The following MPPED2 variants were observed in gnomAD, a reference collection of about 807,000 sequenced individuals.
MPPED2 encodes the protein metallophosphoesterase domain containing 2.
A neutral mutation model predicts 33.0 loss-of-function variants in MPPED2; 5 were observed. The observed-to-expected ratio is 0.15, with a 90% CI of 0.08 to 0.32. MPPED2 has a LOEUF of 0.32. Among genes scored for constraint, MPPED2 ranks in the 10% least tolerant of loss-of-function variants. The pLI, the probability that MPPED2 is intolerant of heterozygous loss-of-function variation, is 1.00. For missense variants in MPPED2, 275 were observed against 372.1 expected, an observed-to-expected ratio of 0.74 and a Z score of 2.15; for synonymous variants, 136 against 141.9, an observed-to-expected ratio of 0.96 and a Z score of 0.29.
intron 4 of MPPED2, among the ~76,000 whole-genome samples, chr11:30,494,542 A>G (rs1219774706): frequency 6.6e-6 from 1 of 152,102 alleles, no homozygotes; most frequent in African/African-American, 2.4e-5. Flanking sequence ...GTTCAAGACC[A>G]GCCTGGCCAA....
chr11:30,548,951 A>G (rs1955572807), intron 2 of MPPED2, among the ~76,000 whole-genome samples: 1 of 152,254 alleles, frequency 6.6e-6, no homozygotes, highest in Non-Finnish European at 1.5e-5. Context: ...ACCAATTTAC[A>G]TAAAAATCTA....
At chr11:30,483,635 T>C (rs1052969859) in intron 4 of MPPED2, among the ~76,000 whole-genome samples, 1 of 152,220 alleles carries the variant, frequency 6.6e-6, no homozygotes, top group African/African-American at 2.4e-5. Context: ...TTTCTACTGA[T>C]GACTGACTCA....
chr11:30,489,962 C>T (rs1372712233), intron 4 of MPPED2, among the ~76,000 whole-genome samples: 1 of 151,816 alleles, frequency 6.6e-6, no homozygotes, highest in East Asian at 1.9e-4. Context: ...AAAGAAGAGC[C>T]TAGTCCCACG....
At chr11:30,537,541 C>T (rs935048716) in intron 2 of MPPED2, among the ~76,000 whole-genome samples, 1 of 152,106 alleles carries the variant, frequency 6.6e-6, no homozygotes, top group Non-Finnish European at 1.5e-5. Flanking sequence ...ATGACAATTT[C>T]AGTGAGGGAA....
chr11:30,488,547 G>A (rs1389260385), intron 4 of MPPED2, among the ~76,000 whole-genome samples: 1 of 152,216 alleles, frequency 6.6e-6, no homozygotes, highest in Non-Finnish European at 1.5e-5. Context: ...GCATAAACTG[G>A]CTTTGGAAAT....
intron 4 of MPPED2, among the ~76,000 whole-genome samples, chr11:30,442,604 A>T (rs1210323042): frequency 1.3e-5 from 2 of 152,254 alleles, no homozygotes; most frequent in South Asian, 4.1e-4. Context: ...AACAGTGGCT[A>T]CAGTGACACA....
intron 4 of MPPED2, among the ~76,000 whole-genome samples, chr11:30,472,957 T>C (rs982403308): frequency 6.6e-6 from 1 of 152,236 alleles, no homozygotes; most frequent in Admixed American, 6.5e-5. Context: ...AAGTGCATAT[T>C]ATGTACAATG....
chr11:30,515,402 A>G (rs1469401043), intron 3 of MPPED2, among the ~76,000 whole-genome samples: 1 of 152,194 alleles, frequency 6.6e-6, no homozygotes, highest in Admixed American at 6.5e-5. Flanking sequence ...TGATTTAATA[A>G]GTCTGAACTA....
chr11:30,455,989 T>G (rs1318585244), intron 4 of MPPED2, among the ~76,000 whole-genome samples: 1 of 152,228 alleles, frequency 6.6e-6, no homozygotes, highest in Non-Finnish European at 1.5e-5. Context: ...CAGCTTGCAT[T>G]CAAAACCTCT....
At chr11:30,401,857 T>TTG in intron 6 of MPPED2, among the ~76,000 whole-genome samples, 1 of 102,446 alleles carries the variant, frequency 9.8e-6, no homozygotes. Context: ...GCTAATTTTT[T>TTG]GTATTTTTTT....
At chr11:30,496,410 A>G (rs1952255913) in intron 3 of MPPED2, among the ~76,000 whole-genome samples, 1 of 152,128 alleles carries the variant, frequency 6.6e-6, no homozygotes, top group Admixed American at 6.5e-5. Flanking sequence ...CCCACCTGAA[A>G]TTAATGTTCT....
intron 1 of MPPED2, among the ~76,000 whole-genome samples, chr11:30,583,505 A>G (rs1590950526): frequency 1.3e-5 from 2 of 152,332 alleles, no homozygotes; most frequent in Admixed American, 1.3e-4. Context: ...CCAAACATTC[A>G]TGCTGGTGCT....
intron 4 of MPPED2, among the ~76,000 whole-genome samples, chr11:30,467,097 G>C (rs1441435270): frequency 6.6e-6 from 1 of 152,112 alleles, no homozygotes; most frequent in Non-Finnish European, 1.5e-5. Flanking sequence ...TGCCTCAGGG[G>C]TGTTTGTATG....
intron 2 of MPPED2, 87 bp from the exon 3 acceptor site, chr11:30,536,262 G>T: frequency 8.4e-7 from 1 of 1,183,592 alleles, no homozygotes; most frequent in Non-Finnish European, 1.1e-6. Context: ...ATTATTATTC[G>T]TGAATGCACC....
chr11:30,414,035 C>G (rs987022782), intron 6 of MPPED2, among the ~76,000 whole-genome samples, 193 bp downstream of exon 6: 4 of 152,102 alleles, frequency 2.6e-5, no homozygotes, highest in African/African-American at 9.7e-5. Flanking sequence ...ACTTTCCACT[C>G]TGTTTACAAG....
intron 4 of MPPED2, among the ~76,000 whole-genome samples, chr11:30,489,490 G>C (rs1159034570): frequency 6.6e-6 from 1 of 152,236 alleles, no homozygotes; most frequent in Non-Finnish European, 1.5e-5. Context: ...GAGGGGAAGA[G>C]AGGAAGGGAA....
upstream of MPPED2, chr11:30,586,781 C>G (rs141499813): frequency 9.7e-3 from 1,483 of 152,352 alleles, 16 homozygotes; most frequent in Non-Finnish European, 0.016. This position sits in a 1 kb window ranked among gnomAD's most constrained non-coding sequence, Gnocchi z 4.8. Flanking sequence ...CGTTCCAGGA[C>G]GCAGGGCTCA....
At chr11:30,535,293 T>C (rs1791140980) in intron 3 of MPPED2, among the ~76,000 whole-genome samples, 1 of 152,154 alleles carries the variant, frequency 6.6e-6, no homozygotes, top group Non-Finnish European at 1.5e-5. Context: ...CTTTCGTCTT[T>C]AGGGATTCTA....
chr11:30,487,130 C>T (rs1180887077), intron 4 of MPPED2, among the ~76,000 whole-genome samples: 1 of 152,210 alleles, frequency 6.6e-6, no homozygotes, highest in African/African-American at 2.4e-5. Flanking sequence ...TCACTTTATA[C>T]TCTCTTTCTA....
Sources: allele counts gnomAD v4.1 joint callset (sites outside exome capture counted in the v4.1 genomes callset), GRCh38; gene constraint gnomAD v4.1.1; non-coding constraint Gnocchi (gnomAD v3.1); transcripts MANE v1.5; gene names NCBI Gene and HGNC (gene_info 2026-07-23, HGNC 2026-07-21).